Variants in NIPBL observed in about 807,000 individuals in gnomAD.
NIPBL encodes nipped-B-like protein.
NIPBL carries 19 observed loss-of-function variants against 321.8 expected under a neutral mutation model. That is an observed-to-expected ratio of 0.06 (90% CI 0.04 to 0.09). The LOEUF (loss-of-function observed/expected upper bound fraction) is 0.09, where lower values mean the gene tolerates loss of function less well. Ranked by LOEUF, NIPBL falls within the 10% of genes least tolerant of loss-of-function variation. NIPBL has a pLI of 1.00. For missense variants in NIPBL, 2,210 were observed against 3,327.0 expected (o/e 0.66, Z 8.26); for synonymous variants, 1,106 against 1,114.1 (o/e 0.99, Z 0.14).
Position 36,975,948 on chromosome 5 carries a change from A to C in NIPBL, c.1041A>C (p.Ile347=). Residue 347 remains isoleucine (I), a synonymous_variant, in exon 9 of 47, where the codon ATA becomes ATC. Coordinates refer to ENST00000282516, the MANE Select transcript of NIPBL (RefSeq NM_133433.4). ...GTGAGAAAGCGGCAATGTATGATAT[A>C]ATTAGTTCTCCATCCAAGGACTCTA... The part of the protein sequence containing the change: ...EQSEKAAMYD[I]ISSPSKDSTK... 6.2e-7 allele frequency: 1 copy of C among 1,614,002 alleles called. No individual in the cohort carries two copies. The highest frequency in any genetic ancestry group is 8.5e-7 in the Non-Finnish European group (1 of 1,179,932).
In NIPBL at chr5:37,052,437, T is replaced by C. The variant is rs1753664988; in HGVS notation, c.7134T>C (p.Pro2378=). 1 of 1,614,188 alleles carries C rather than the reference T, an allele frequency of 6.2e-7. No individual in the cohort carries two copies. Among genetic ancestry groups the C allele is most frequent in the Non-Finnish European group, 8.5e-7 (1 of 1,180,014 alleles). ...QQAINTCLKD[P]VRGFRQDESS... ...CAATCAACACATGCCTAAAAGATCC[T>C]GTAAGGGGTTTCAGACAAGACGAGT... Residue 2378 remains proline (P), a synonymous_variant, in exon 42 of 47, where the codon CCT becomes CCC. Coordinates refer to ENST00000282516, the MANE Select transcript of NIPBL (RefSeq NM_133433.4).
chr5:37,041,236 T>A (rs1295357647), intron 34 of NIPBL, among the ~76,000 whole-genome samples: 1 of 150,558 alleles, frequency 6.6e-6, no homozygotes, highest in Non-Finnish European at 1.5e-5. Flanking sequence ...TGCTACTTTT[T>A]TGTTGTTATG....
At chr5:36,956,064 A>AC in intron 3 of NIPBL, among the ~76,000 whole-genome samples, 1 of 145,136 alleles carries the variant, frequency 6.9e-6, no homozygotes. Flanking sequence ...TACTAAAAAT[A>AC]CAAAAAAAAA....
intron 1 of NIPBL, among the ~76,000 whole-genome samples, chr5:36,883,470 C>T (rs1745654184): frequency 1.3e-5 from 2 of 151,848 alleles, no homozygotes; most frequent in South Asian, 4.1e-4. Context: ...GTCACTTATG[C>T]AGGTGAAATG....
chr5:36,879,236 G>T (rs970126537), intron 1 of NIPBL, among the ~76,000 whole-genome samples: 33 of 152,162 alleles, frequency 2.2e-4, no homozygotes, highest in Admixed American at 2.2e-3. Flanking sequence ...TTTAGAGGTT[G>T]TCTTATGCAG....
chr5:37,034,803 A>T (rs1751500660), intron 32 of NIPBL, among the ~76,000 whole-genome samples: 1 of 152,246 alleles, frequency 6.6e-6, no homozygotes, highest in South Asian at 2.1e-4. Context: ...TATTAAAATT[A>T]TTCGTGTTCT....
chr5:37,027,164 T>C (rs1247774597), intron 31 of NIPBL, among the ~76,000 whole-genome samples, 195 bp from the exon 32 acceptor site: 1 of 152,204 alleles, frequency 6.6e-6, no homozygotes, highest in East Asian at 1.9e-4. Context: ...TTCTTCAATG[T>C]TTTCCAAGAT....
intron 16 of NIPBL, among the ~76,000 whole-genome samples, chr5:37,005,255 T>C (rs1158380782): frequency 2.6e-5 from 4 of 152,170 alleles, no homozygotes; most frequent in Non-Finnish European, 5.9e-5. Flanking sequence ...ATTTATATTT[T>C]TAAGTGCCCT....
In NIPBL at chr5:36,962,210, C is replaced by T; in HGVS notation, c.546C>T (p.Ser182=). 6.2e-7 allele frequency: 1 copy of T among 1,614,070 alleles called. No homozygotes were observed. Among genetic ancestry groups the T allele is most frequent in the South Asian group, 1.1e-5 (1 of 91,080 alleles). The part of the protein sequence containing the change: ...SPVPSPYAPQ[S]PAGYMPYSHP... ...TGCCTAGTCCATACGCCCCACAAAG[C>T]CCTGCAGGATACATGCCATATTCCC... Residue 182 remains serine (S), a synonymous_variant, in exon 6 of 47, where the codon AGC becomes AGT. Transcript: ENST00000282516.
intron 27 of NIPBL, 69 bp from the exon 28 acceptor site, chr5:37,021,982 T>C (rs971925453): frequency 2.7e-5 from 32 of 1,170,678 alleles, no homozygotes; most frequent in Non-Finnish European, 3.9e-5. Flanking sequence ...TTTTGCATGT[T>C]TTCATGCTAT....
intron 34 of NIPBL, among the ~76,000 whole-genome samples, chr5:37,041,162 A>G (rs1016252146): frequency 4.0e-5 from 6 of 149,344 alleles, no homozygotes; most frequent in African/African-American, 1.5e-4. Flanking sequence ...TTTTTCTTCT[A>G]GAATTTAAGA....
intron 42 of NIPBL, among the ~76,000 whole-genome samples, chr5:37,056,920 T>C (rs1754147394): frequency 1.3e-5 from 2 of 152,136 alleles, no homozygotes; most frequent in African/African-American, 4.8e-5. Flanking sequence ...GGGCCTAAGA[T>C]TATTTTATAA....
chr5:36,933,852 T>C (rs992832925), intron 1 of NIPBL, among the ~76,000 whole-genome samples: 7 of 152,082 alleles, frequency 4.6e-5, no homozygotes, highest in African/African-American at 1.7e-4. Flanking sequence ...ATTCTCAATT[T>C]TCCCAAGGAT....
Position 37,000,904 on chromosome 5 carries a change from A to G in NIPBL, c.3574+16A>G, listed in dbSNP as rs758507820. 6 of 1,601,584 alleles carry G rather than the reference A, an allele frequency of 3.7e-6. No individual in the cohort carries two copies. In the East Asian group the frequency reaches 6.7e-5, roughly 18 times the overall value. On this transcript the variant is annotated intron_variant, in intron 13 of 46. Transcript: ENST00000282516. ...ACACCTGAAGGTAACACGTTAGTTT[A>G]TTTAATTTGTCTTTATTCATATTCT...
intron 1 of NIPBL, among the ~76,000 whole-genome samples, chr5:36,903,221 A>G (rs1747370623): frequency 6.6e-6 from 1 of 152,172 alleles, no homozygotes; most frequent in African/African-American, 2.4e-5. Flanking sequence ...GAGGAAAGAT[A>G]GTTTGACTTT....
At chr5:37,023,750 CTT>C (rs779595045) in intron 29 of NIPBL, among the ~76,000 whole-genome samples, 32 of 75,874 alleles carry the variant, frequency 4.2e-4, no homozygotes, top group African/African-American at 1.4e-3. Flanking sequence ...TTTTCTTATT[CTT>C]TTTTTTTTTT....
chr5:36,995,574 T>G (rs1376090439), intron 10 of NIPBL, 48 bp from the exon 11 acceptor site: 1 of 1,423,614 alleles, frequency 7.0e-7, no homozygotes, highest in Non-Finnish European at 9.8e-7. Flanking sequence ...AATTTTCCTT[T>G]TATCTTCAGA....
intron 9 of NIPBL, among the ~76,000 whole-genome samples, chr5:36,983,379 A>G (rs775871600): frequency 2.0e-5 from 3 of 151,932 alleles, no homozygotes; most frequent in Admixed American, 6.6e-5. Flanking sequence ...AAGAACTGCT[A>G]CTTCCCACTT....
intron 1 of NIPBL, among the ~76,000 whole-genome samples, chr5:36,951,162 G>A (rs1740243102): frequency 6.6e-6 from 1 of 152,092 alleles, no homozygotes; most frequent in African/African-American, 2.4e-5. Context: ...TTATGTCACT[G>A]TGAAAAGCAC....
Sources: gnomAD v4.1 joint callset for allele counts (sites outside exome capture counted in the v4.1 genomes callset) on GRCh38, gnomAD v4.1.1 for gene constraint, MANE v1.5 for transcripts, NCBI Gene and HGNC (gene_info 2026-07-23, HGNC 2026-07-21) for gene names.